The following USP43 variants were observed in gnomAD, a reference collection of about 807,000 sequenced individuals.
The protein encoded by USP43 is ubiquitin carboxyl-terminal hydrolase 43.
USP43 carries 33 observed loss-of-function variants against 90.7 expected under a neutral mutation model. The observed-to-expected ratio is 0.36, with a 90% CI of 0.28 to 0.49. USP43 has a LOEUF of 0.49. Among genes scored for constraint, USP43 ranks in the 20% least tolerant of loss-of-function variants. The pLI is 0.98. For missense variants in USP43, 1,274 were observed against 1,476.4 expected (o/e 0.86, Z 2.25); for synonymous variants, 598 against 615.8 (o/e 0.97, Z 0.43).
intron 1 of USP43, among the ~76,000 whole-genome samples, chr17:9,648,214 T>A (rs187929081): frequency 2.6e-5 from 4 of 152,260 alleles, no homozygotes; most frequent in African/African-American, 4.8e-5. Flanking sequence ...TTTCCTGGGA[T>A]TTTTGGGTAG....
chr17:9,656,027 C>T (rs1466171864), intron 1 of USP43, among the ~76,000 whole-genome samples: 1 of 152,074 alleles, frequency 6.6e-6, no homozygotes, highest in East Asian at 1.9e-4. Flanking sequence ...TGAGAATAGA[C>T]CAATGGAGGG....
Position 9,704,195 on chromosome 17 carries a change from G to A in USP43, c.2011+2495G>A, listed in dbSNP as rs75687335. Among the ~76,000 whole-genome samples the A allele has an allele frequency of 4.3e-3, 653 of 152,314 alleles. 8 individuals are homozygous for A. Among genetic ancestry groups the A allele is most frequent in the African/African-American group, 0.015 (628 of 41,562 alleles). ...TTCACAGGTGCTCTGGAATTTCATA[G>A]AGTGTGCTTACCTGTAGGTCTTTTT... On this transcript the variant is annotated intron_variant, in intron 12 of 14. Coordinates refer to ENST00000285199, the MANE Select transcript of USP43 (RefSeq NM_153210.5).
At chr17:9,722,380 T>C (rs1381704684) in intron 14 of USP43, among the ~76,000 whole-genome samples, 1 of 152,192 alleles carries the variant, frequency 6.6e-6, no homozygotes, top group South Asian at 2.1e-4. Context: ...GTTTTTTGTT[T>C]TCTTTTTACC....
At chr17:9,699,455 A>C (rs764402871) in intron 9 of USP43, among the ~76,000 whole-genome samples, 5 of 152,160 alleles carry the variant, frequency 3.3e-5, no homozygotes, top group African/African-American at 1.2e-4. Context: ...CTTTTATCAG[A>C]TCATCTTAGT....
intron 13 of USP43, 118 bp downstream of exon 13, chr17:9,710,232 C>A: frequency 2.6e-6 from 3 of 1,161,778 alleles, no homozygotes; most frequent in Non-Finnish European, 2.2e-6. Context: ...AAAGAGGAAG[C>A]CCGGGATGCT....
Position 9,728,150 on chromosome 17 carries a change from C to G in USP43, c.2532C>G (p.Ser844=). The G allele has an allele frequency of 6.2e-7, 1 of 1,613,824 alleles. No homozygotes were observed. Among genetic ancestry groups the G allele is most frequent in the Non-Finnish European group, 8.5e-7 (1 of 1,179,856 alleles). The change falls in exon 15 of 15, where the codon TCC becomes TCG. Residue 844 remains serine, a synonymous_variant. Coordinates refer to ENST00000285199, the MANE Select transcript of USP43 (RefSeq NM_153210.5). This position sits in a 1 kb window ranked among gnomAD's most constrained non-coding sequence, Gnocchi z 6.2. The part of the protein sequence containing the change: ...EYLESRRRPR[S]TSQSIVSLLT... ...TGGAATCCAGACGAAGACCTCGGTCCACGAGCCAGTCCATTGTGTCGCTGT... is the reference window on the plus strand; with the variant it reads ...TGGAATCCAGACGAAGACCTCGGTCGACGAGCCAGTCCATTGTGTCGCTGT...
intron 9 of USP43, among the ~76,000 whole-genome samples, chr17:9,698,413 C>T (rs1440322983): frequency 6.6e-6 from 1 of 152,228 alleles, no homozygotes; most frequent in African/African-American, 2.4e-5. Context: ...CCTGCCCCAT[C>T]TGTCCTCCAG....
At chr17:9,705,492 C>T (rs532565817) in intron 12 of USP43, among the ~76,000 whole-genome samples, 1 of 152,080 alleles carries the variant, frequency 6.6e-6, no homozygotes, top group Non-Finnish European at 1.5e-5. Flanking sequence ...TGGTGGCTCA[C>T]GCCTGTAATC....
Position 9,693,173 on chromosome 17 carries a change from C to T in USP43, c.1400C>T (p.Ala467Val). 1 of 1,613,690 alleles carries T rather than the reference C, an allele frequency of 6.2e-7. No homozygotes were observed. The highest frequency in any genetic ancestry group is 1.7e-5 in the Admixed American group (1 of 60,002). ...FSIRVVGLSV[A>V]CSYLSPKDSR... ...ATCCGTGTTGTGGGACTCTCTGTGG[C>T]CTGCAGCTATTTGTCTCCGAAGGAC... Residue 467 changes from alanine (A) to valine (V), a missense_variant, in exon 9 of 15, where the codon GCC (alanine) becomes GTC (valine). By Grantham distance (64) the Ala-to-Val change is moderately conservative. Transcript: ENST00000285199.
intron 2 of USP43, among the ~76,000 whole-genome samples, 181 bp downstream of exon 2, chr17:9,656,715 G>A (rs906511719): frequency 7.2e-5 from 11 of 152,078 alleles, no homozygotes; most frequent in Admixed American, 1.3e-4. Context: ...TACACAAGGC[G>A]TTTCCTTCCA....
chr17:9,688,848 A>G (rs111791861), intron 8 of USP43, among the ~76,000 whole-genome samples: 117 of 152,082 alleles, frequency 7.7e-4, no homozygotes, highest in South Asian at 2.1e-3. Flanking sequence ...TACCGTACCC[A>G]GCTAACTTTT....
chr17:9,727,278 T>C (rs896917665), intron 14 of USP43, among the ~76,000 whole-genome samples: 16 of 152,206 alleles, frequency 1.1e-4, no homozygotes, highest in African/African-American at 3.6e-4. Flanking sequence ...GTTGTACATA[T>C]GTTCCTTTTA....
At position 9,701,281 on chromosome 17, in the gene USP43, G is replaced by C. The variant is rs1183091123; in HGVS notation, c.1662+36G>C. 1.3e-6 allele frequency: 2 copies of C among 1,596,658 alleles called. No homozygotes were observed. Among genetic ancestry groups the C allele is most frequent in the African/African-American group, 2.7e-5 (2 of 74,700 alleles). ...GGGGGTCCATGCCCCGGCCGGGAAGGGGGCTGGCTGCCTTTGGTGGGTTGG... is the reference window on the plus strand; with the variant it reads ...GGGGGTCCATGCCCCGGCCGGGAAGCGGGCTGGCTGCCTTTGGTGGGTTGG... On this transcript the variant is annotated intron_variant, in intron 11 of 14. Transcript: ENST00000285199. This position sits in a 1 kb window ranked among gnomAD's most constrained non-coding sequence, Gnocchi z 7.2.
chr17:9,720,796 T>G (rs1214628484), intron 14 of USP43, among the ~76,000 whole-genome samples: 1 of 152,166 alleles, frequency 6.6e-6, no homozygotes, highest in African/African-American at 2.4e-5. Flanking sequence ...CCGGGTTTTT[T>G]TGACGGTCAA....
chr17:9,673,584 A>C (rs879379330), intron 3 of USP43, among the ~76,000 whole-genome samples: 15 of 152,220 alleles, frequency 9.9e-5, no homozygotes, highest in Non-Finnish European at 1.6e-4. Context: ...AGTTTAAAAG[A>C]GTTGAAAGAA....
At chr17:9,672,335 C>CT (rs1913492446) in intron 3 of USP43, among the ~76,000 whole-genome samples, 1 of 152,100 alleles carries the variant, frequency 6.6e-6, no homozygotes, top group Non-Finnish European at 1.5e-5. Flanking sequence ...GCCCATTCTA[C>CT]TTTTTTTCTA....
intron 3 of USP43, among the ~76,000 whole-genome samples, chr17:9,672,216 C>T (rs1448991161): frequency 6.6e-6 from 1 of 152,080 alleles, no homozygotes; most frequent in Non-Finnish European, 1.5e-5. Flanking sequence ...GGGTTGGTCT[C>T]GAACTTCTGA....
chr17:9,722,041 G>A (rs966921088), intron 14 of USP43, among the ~76,000 whole-genome samples: 2 of 151,942 alleles, frequency 1.3e-5, no homozygotes, highest in Non-Finnish European at 2.9e-5. Flanking sequence ...CAGCCTAGCT[G>A]TACCTTTAAT....
At position 9,688,087 on chromosome 17, in the gene USP43, G is replaced by A. The variant is rs545914525; in HGVS notation, c.1353+1178G>A. 3.5e-4 allele frequency among the ~76,000 whole-genome samples: 53 copies of A among 152,070 alleles called. 1 individual carries two copies. In the South Asian group the frequency reaches 7.5e-3, roughly 21 times the overall value. ...TGCAAGCTCCGCCTCCCGGGTTCAC[G>A]CCATTCTTCTGCCTCAGCCTCCCAA... On this transcript the variant is annotated intron_variant, in intron 8 of 14. Coordinates refer to ENST00000285199, the MANE Select transcript of USP43 (RefSeq NM_153210.5).
Sources: allele counts gnomAD v4.1 joint callset (sites outside exome capture counted in the v4.1 genomes callset), GRCh38; gene constraint gnomAD v4.1.1; non-coding constraint Gnocchi (gnomAD v3.1); transcripts MANE v1.5; gene names NCBI Gene and HGNC (gene_info 2026-07-23, HGNC 2026-07-21).